The following SCIN variants were observed in gnomAD, a reference collection of about 807,000 sequenced individuals.
SCIN encodes adseverin.
SCIN carries 91 observed loss-of-function variants against 91.8 expected under a neutral mutation model. That is an observed-to-expected ratio of 0.99 (90% CI 0.84 to 1.18). The LOEUF (loss-of-function observed/expected upper bound fraction) is 1.18. Ranked by LOEUF, SCIN falls within the 50% of genes most tolerant of loss-of-function variation. The probability of loss-of-function intolerance (pLI) is 0.00; values close to 1 mark genes in which losing one functional copy is unlikely to be tolerated. For missense variants in SCIN, 1,087 were observed against 863.9 expected (o/e 1.26, Z -3.24); for synonymous variants, 367 against 312.6 (o/e 1.17, Z -1.84).
In SCIN at chr7:12,657,470, A is replaced by G. The variant is rs559513230; in HGVS notation, c.*4755A>G. 7 of 142,490 alleles carry G rather than the reference A, an allele frequency of 4.9e-5. No individual in the cohort carries two copies. The highest frequency in any genetic ancestry group is 2.3e-4 in the South Asian group (1 of 4,404). The allele number at this position is 142,490 out of a possible 1,614,324, so 8.8% of individuals were successfully genotyped here. A position where few individuals can be genotyped will look rare whatever the true frequency, so the allele number is the denominator to read the frequency against. On this transcript the variant is annotated 3_prime_UTR_variant, in exon 16 of 16. Transcript: ENST00000297029. ...GAAATCCACCTGCCTTGGCCTCCCA[A>G]TATGCTGGGATTACAGGCATGAGCC...
At chr7:12,609,530 A>AC (rs945366832) in intron 4 of SCIN, among the ~76,000 whole-genome samples, 7 of 152,132 alleles carry the variant, frequency 4.6e-5, no homozygotes, top group Non-Finnish European at 8.8e-5. Flanking sequence ...AAACAAACAA[A>AC]AAAAACCCCA....
intron 13 of SCIN, among the ~76,000 whole-genome samples, chr7:12,648,444 CT>C (rs1325789593): frequency 1.3e-5 from 2 of 151,874 alleles, no homozygotes; most frequent in Admixed American, 1.3e-4. Flanking sequence ...CTACAGGCAC[CT>C]GCCACCACAC....
intron 5 of SCIN, 68 bp from the exon 6 acceptor site, chr7:12,624,942 A>G (rs1783481249): frequency 6.7e-7 from 1 of 1,481,916 alleles, no homozygotes; most frequent in East Asian, 2.5e-5. Context: ...AACCATTACC[A>G]TAATCTAATT....
At chr7:12,589,480 C>T (rs1782671890) in intron 3 of SCIN, 1 of 152,558 alleles carries the variant, frequency 6.6e-6, no homozygotes, top group African/African-American at 2.4e-5. Flanking sequence ...GCCTCAGCCT[C>T]CCAAAGATCT....
intron 4 of SCIN, among the ~76,000 whole-genome samples, chr7:12,606,469 G>A (rs933113840): frequency 6.6e-6 from 1 of 152,274 alleles, no homozygotes; most frequent in Non-Finnish European, 1.5e-5. Context: ...ATAACTTTAT[G>A]TATTGTAATG....
chr7:12,596,542 G>A (rs1782845929), intron 3 of SCIN: 2 of 439,882 alleles, frequency 4.5e-6, no homozygotes, highest in Non-Finnish European at 9.1e-6. Context: ...GTTGGGGGAG[G>A]GCCCTCTCCT....
chr7:12,642,124 A>T (rs956051761), intron 11 of SCIN, among the ~76,000 whole-genome samples: 8 of 151,810 alleles, frequency 5.3e-5, no homozygotes, highest in Non-Finnish European at 1.2e-4. Flanking sequence ...ATATTTGTGT[A>T]CAGTGATATA....
At chr7:12,627,927 G>A (rs1336863216) in intron 8 of SCIN, among the ~76,000 whole-genome samples, 3 of 152,066 alleles carry the variant, frequency 2.0e-5, no homozygotes, top group African/African-American at 7.2e-5. Context: ...GTATGGGGTG[G>A]CCTCTCTCTA....
chr7:12,642,050 A>G (rs969542554), intron 11 of SCIN, among the ~76,000 whole-genome samples: 1 of 151,476 alleles, frequency 6.6e-6, no homozygotes, highest in African/African-American at 2.4e-5. Flanking sequence ...GTGTCTTGTA[A>G]GTGAATATTA....
intron 4 of SCIN, among the ~76,000 whole-genome samples, chr7:12,619,646 G>A (rs1198679398): frequency 6.6e-6 from 1 of 152,148 alleles, no homozygotes; most frequent in Non-Finnish European, 1.5e-5. Flanking sequence ...TACGGGGAAA[G>A]AATGGGCATG....
intron 3 of SCIN, among the ~76,000 whole-genome samples, chr7:12,591,899 T>C (rs1782731754): frequency 6.6e-6 from 1 of 152,090 alleles, no homozygotes; most frequent in South Asian, 2.1e-4. Flanking sequence ...CCTATACCCT[T>C]TGATAGCGAG....
intron 1 of SCIN, among the ~76,000 whole-genome samples, chr7:12,574,668 A>G (rs1001814985): frequency 4.6e-5 from 7 of 152,142 alleles, no homozygotes; most frequent in African/African-American, 1.7e-4. Flanking sequence ...CAAAGTTGCC[A>G]CTACTGGGGG....
intron 3 of SCIN, among the ~76,000 whole-genome samples, chr7:12,598,607 T>C (rs772802581): frequency 1.3e-5 from 2 of 152,162 alleles, no homozygotes; most frequent in Admixed American, 6.5e-5. Flanking sequence ...AAAACAGTGT[T>C]ATCGGCCTGG....
intron 5 of SCIN, 121 bp downstream of exon 5, chr7:12,623,014 A>G (rs1783441826): frequency 1.8e-6 from 1 of 570,888 alleles, no homozygotes; most frequent in Non-Finnish European, 3.1e-6. Flanking sequence ...TCCAAGAGCA[A>G]TGTGTAGATA....
intron 3 of SCIN, among the ~76,000 whole-genome samples, chr7:12,583,908 C>A (rs1433467717): frequency 2.0e-5 from 3 of 151,932 alleles, no homozygotes; most frequent in Admixed American, 6.6e-5. Context: ...TTTTCCCATG[C>A]CTTGTAAAAG....
rs1783910839 is a variant in SCIN at position 12,644,186 on chromosome 7, A to C, written c.1630A>C (p.Lys544Gln). 1 of 1,612,826 alleles carries C rather than the reference A, an allele frequency of 6.2e-7. No individual in the cohort carries two copies. The highest frequency in any genetic ancestry group is 1.7e-5 in the Admixed American group (1 of 59,872). ...GAATTCTAACGATGTTTTTGTCCTG[A>C]AACTGCCACAAAATAGTGGCTACAT... ...SLNSNDVFVL[K>Q]LPQNSGYIWV... The change falls in exon 12 of 16, where the codon AAA becomes CAA. Residue 544 changes from lysine to glutamine, a missense_variant. Coordinates refer to ENST00000297029, the MANE Select transcript of SCIN (RefSeq NM_001112706.3).
chr7:12,591,247 G>C (rs1034007138), intron 3 of SCIN, among the ~76,000 whole-genome samples: 3 of 152,142 alleles, frequency 2.0e-5, no homozygotes, highest in Middle Eastern at 3.2e-3. Flanking sequence ...TTTTTATAAA[G>C]AGGGCATGGA....
intron 13 of SCIN, among the ~76,000 whole-genome samples, chr7:12,646,062 G>C (rs1190218021): frequency 1.3e-5 from 2 of 152,038 alleles, no homozygotes; most frequent in African/African-American, 4.8e-5. Context: ...TATGATCATT[G>C]GGCAAAAATC....
chr7:12,585,440 A>T (rs1782567726), intron 3 of SCIN, among the ~76,000 whole-genome samples: 1 of 152,128 alleles, frequency 6.6e-6, no homozygotes, highest in Admixed American at 6.5e-5. Flanking sequence ...AAGCAAACTC[A>T]TCCCCACCCA....
Sources: gnomAD v4.1 joint callset for allele counts (sites outside exome capture counted in the v4.1 genomes callset) on GRCh38, gnomAD v4.1.1 for gene constraint, MANE v1.5 for transcripts, NCBI Gene and HGNC (gene_info 2026-07-23, HGNC 2026-07-21) for gene names.